PAX3: variants seen among roughly 807,000 people sequenced by gnomAD.
PAX3 encodes the protein paired box 3.
In PAX3, 14 loss-of-function variants were observed where a neutral mutation model predicts 51.6. That is an observed-to-expected ratio of 0.27 (90% CI 0.18 to 0.42). The LOEUF (loss-of-function observed/expected upper bound fraction) is 0.42. Among genes scored for constraint, PAX3 ranks in the 10% least tolerant of loss-of-function variants. The pLI is 1.00. For missense variants in PAX3, 540 were observed against 642.8 expected, an observed-to-expected ratio of 0.84 and a Z score of 1.73; for synonymous variants, 280 against 253.4, an observed-to-expected ratio of 1.11 and a Z score of -1.00.
At chr2:222,298,284 C>A (rs938461532) in intron 1 of PAX3, 13 of 548,354 alleles carry the variant, frequency 2.4e-5, no homozygotes, top group African/African-American at 1.9e-4. Flanking sequence ...ACAACAGGGA[C>A]AAGTCTCCCC....
At chr2:222,232,052 G>A in intron 5 of PAX3, 26 bp downstream of exon 5, 1 of 1,604,806 alleles carries the variant, frequency 6.2e-7, no homozygotes, top group Non-Finnish European at 8.5e-7. Context: ...GACTGAAGTA[G>A]GACACGGAGG....
intron 5 of PAX3, among the ~76,000 whole-genome samples, chr2:222,226,235 C>A (rs1433422976): frequency 6.6e-6 from 1 of 152,210 alleles, no homozygotes; most frequent in Non-Finnish European, 1.5e-5. Context: ...TGCTGACATG[C>A]CAAGTACAGT....
chr2:222,271,529 A>G (rs1694252944), intron 4 of PAX3, among the ~76,000 whole-genome samples: 1 of 152,202 alleles, frequency 6.6e-6, no homozygotes, highest in South Asian at 2.1e-4. Context: ...AAGTATTTTT[A>G]CACTCACTAT....
intron 4 of PAX3, among the ~76,000 whole-genome samples, chr2:222,246,261 C>T (rs951307530): frequency 7.2e-5 from 11 of 152,172 alleles, no homozygotes; most frequent in Admixed American, 7.2e-4. Context: ...TCTTCCCACC[C>T]ACACCAGCCC....
chr2:222,218,903 A>T (rs1227854197), intron 7 of PAX3, among the ~76,000 whole-genome samples: 2 of 152,168 alleles, frequency 1.3e-5, no homozygotes, highest in Non-Finnish European at 2.9e-5. Context: ...CTTTAGGCGG[A>T]AATGTTTATT....
intron 7 of PAX3, among the ~76,000 whole-genome samples, chr2:222,205,747 A>G (rs1691480570): frequency 6.6e-6 from 1 of 152,208 alleles, no homozygotes; most frequent in Non-Finnish European, 1.5e-5. Context: ...GAGGACATCA[A>G]TAGAAAATGC....
intron 7 of PAX3, among the ~76,000 whole-genome samples, chr2:222,215,086 C>T (rs924474850): frequency 2.0e-5 from 3 of 152,000 alleles, no homozygotes; most frequent in African/African-American, 7.3e-5. Flanking sequence ...AGGTTGCAAA[C>T]AGAACTTCCT....
intron 7 of PAX3, among the ~76,000 whole-genome samples, chr2:222,209,696 C>CAAAAAAAAAAAAA (rs546468709): frequency 9.8e-5 from 6 of 61,370 alleles, no homozygotes; most frequent in African/African-American, 1.3e-4. Context: ...TCTGTCTCTA[C>CAAAAAAAAAAAAA]AAAAAAAAAA....
intron 7 of PAX3, among the ~76,000 whole-genome samples, chr2:222,213,062 C>T (rs1412757528): frequency 6.6e-6 from 1 of 152,150 alleles, no homozygotes; most frequent in Non-Finnish European, 1.5e-5. Context: ...CTGTTTAAAT[C>T]AACTCGGCAG....
At chr2:222,210,883 T>C (rs1031271838) in intron 7 of PAX3, among the ~76,000 whole-genome samples, 1 of 152,194 alleles carries the variant, frequency 6.6e-6, no homozygotes, top group Non-Finnish European at 1.5e-5. Flanking sequence ...AATTTTTTTT[T>C]CTGAGACAGA....
intron 4 of PAX3, among the ~76,000 whole-genome samples, chr2:222,289,109 G>A (rs1694936073): frequency 1.3e-5 from 2 of 152,198 alleles, no homozygotes; most frequent in Admixed American, 6.5e-5. Context: ...TTGCCTTTTA[G>A]TGTCTTGTTA....
chr2:222,231,649 T>C (rs1320574884), intron 5 of PAX3, among the ~76,000 whole-genome samples: 1 of 152,210 alleles, frequency 6.6e-6, no homozygotes, highest in Non-Finnish European at 1.5e-5. Context: ...TAGTTACTTA[T>C]ATAGTCCAAG....
chr2:222,249,251 C>T (rs45605237), intron 4 of PAX3, among the ~76,000 whole-genome samples: 17,600 of 152,172 alleles, frequency 0.12, 1,249 homozygotes, highest in East Asian at 0.32. Flanking sequence ...AACATAAGAG[C>T]ATGAAGTCAT....
At chr2:222,240,596 TTG>T (rs1692974901) in intron 4 of PAX3, among the ~76,000 whole-genome samples, 1 of 152,234 alleles carries the variant, frequency 6.6e-6, no homozygotes, top group Non-Finnish European at 1.5e-5. Flanking sequence ...AAAACCATGC[TTG>T]TGTCTTTTTC....
At chr2:222,296,879 T>C (rs1007870161) in intron 2 of PAX3, 99 bp downstream of exon 2, 11 of 993,814 alleles carry the variant, frequency 1.1e-5, no homozygotes, top group South Asian at 6.8e-5. Flanking sequence ...AAATAACTCA[T>C]TGGAGAGCCC....
At chr2:222,275,573 T>A (rs149728478) in intron 4 of PAX3, among the ~76,000 whole-genome samples, 2 of 152,330 alleles carry the variant, frequency 1.3e-5, no homozygotes, top group East Asian at 3.9e-4. Context: ...AAAGTCAATA[T>A]GTTGTGTAGA....
Position 222,232,057 on chromosome 2 carries a change from CGGAGGTTTG to C in PAX3, c.792+12_792+20del. 1 of 1,609,256 alleles carries C rather than the reference CGGAGGTTTG, an allele frequency of 6.2e-7. No homozygotes were observed. Among genetic ancestry groups the C allele is most frequent in the Non-Finnish European group, 8.5e-7 (1 of 1,176,304 alleles). On this transcript the variant is annotated intron_variant, in intron 5 of 8. Coordinates refer to ENST00000392070, the MANE Select transcript of PAX3 (RefSeq NM_181458.4). ...TTCCTGTCTGGACTGAAGTAGGACA[CGGAGGTTTG>C]GGCAACAGTACCTGTACTCGGGCCT...
intron 4 of PAX3, among the ~76,000 whole-genome samples, chr2:222,267,879 C>G (rs1193971658): frequency 1.3e-5 from 2 of 151,892 alleles, no homozygotes; most frequent in Admixed American, 1.3e-4. Context: ...TACGACTTAC[C>G]CTGGGTGACT....
chr2:222,227,283 C>G (rs1215849689), intron 5 of PAX3, among the ~76,000 whole-genome samples: 2 of 152,146 alleles, frequency 1.3e-5, no homozygotes, highest in Non-Finnish European at 2.9e-5. Context: ...GGAATATTTA[C>G]TAAAACTTTT....
Sources: allele counts gnomAD v4.1 joint callset (sites outside exome capture counted in the v4.1 genomes callset), GRCh38; gene constraint gnomAD v4.1.1; transcripts MANE v1.5; gene names NCBI Gene and HGNC (gene_info 2026-07-23, HGNC 2026-07-21).